The following FANCM variants were observed in gnomAD, a reference collection of about 807,000 sequenced individuals.
The protein encoded by FANCM is Fanconi anemia group M protein.
In FANCM, 140 loss-of-function variants were observed where a neutral mutation model predicts 199.5. The observed-to-expected ratio is 0.70, with a 90% CI of 0.61 to 0.81. The LOEUF is 0.81. Among genes scored for constraint, FANCM ranks in the 30% least tolerant of loss-of-function variants. The pLI is 0.00. For missense variants in FANCM, 2,410 were observed against 2,421.4 expected, an observed-to-expected ratio of 1.00 and a Z score of 0.10; for synonymous variants, 840 against 836.8, an observed-to-expected ratio of 1.00 and a Z score of -0.07.
At chr14:45,164,257 A>G in intron 9 of FANCM, 102 bp from the exon 10 acceptor site, 1 of 972,368 alleles carries the variant, frequency 1.0e-6, no homozygotes, top group Admixed American at 1.9e-5. Flanking sequence ...GCTGATTTTT[A>G]ATCTGATTTT....
In FANCM at chr14:45,164,444, A is replaced by T. The variant is rs148810507; in HGVS notation, c.1667A>T (p.Asp556Val). Residue 556 changes from aspartate to valine, a missense_variant, in exon 10 of 23, where the codon GAT becomes GTT. Physicochemically the swap from Asp to Val is radical, Grantham distance 152 (BLOSUM62 -3). Transcript: ENST00000267430. ...GEEGLDIGEV[D>V]LIICFDSQKS... Reference sequence around the variant, plus strand: ...GAAGGTTTGGATATAGGAGAAGTTGATCTTATAATATGTTTTGATTCCCAG... The same window carrying T: ...GAAGGTTTGGATATAGGAGAAGTTGTTCTTATAATATGTTTTGATTCCCAG... The T allele has an allele frequency of 6.2e-7, 1 of 1,613,380 alleles. No individual in the cohort carries two copies. The highest frequency in any genetic ancestry group is 8.5e-7 in the Non-Finnish European group (1 of 1,179,894).
At chr14:45,167,678 CTGGT>C (rs1888081773) in intron 11 of FANCM, among the ~76,000 whole-genome samples, 2 of 152,096 alleles carry the variant, frequency 1.3e-5, no homozygotes, top group African/African-American at 4.8e-5. Flanking sequence ...TTTGTGTTAG[CTGGT>C]TACCTTTCTC....
chr14:45,177,413 C>T (rs770655468), intron 14 of FANCM, among the ~76,000 whole-genome samples: 8 of 151,670 alleles, frequency 5.3e-5, no homozygotes, highest in African/African-American at 7.3e-5. Flanking sequence ...TTTTTTGAGA[C>T]GGAGTTTTGC....
At position 45,175,696 on chromosome 14, in the gene FANCM, C is replaced by T; in HGVS notation, c.2942C>T (p.Ser981Leu). ...GATGACCAATTTTATAATTGTCACT[C>T]ATTGACAAAAGAGGTACTAGCTAAT... is the stretch of plus-strand genomic sequence containing the variant. Reference protein sequence around the residue: ...RTDDQFYNCHSLTKEVLANVE... With the variant: ...RTDDQFYNCHLLTKEVLANVE... The change falls in exon 14 of 23, where the codon TCA becomes TTA. Residue 981 changes from serine to leucine, a missense_variant. By Grantham distance (145) the Ser-to-Leu change is moderately radical. Transcript: ENST00000267430. The T allele has an allele frequency of 1.2e-6, 2 of 1,613,328 alleles. No homozygotes were observed. The highest frequency in any genetic ancestry group is 1.7e-6 in the Non-Finnish European group (2 of 1,179,468).
chr14:45,175,934 A>G lies in FANCM; in HGVS notation c.3180A>G (p.Pro1060=), dbSNP rs777294529. 6 of 1,613,196 alleles carry G rather than the reference A, an allele frequency of 3.7e-6. No individual in the cohort carries two copies. The highest frequency in any genetic ancestry group is 1.1e-5 in the South Asian group (1 of 91,022). Residue 1060 remains proline (P), a synonymous_variant, in exon 14 of 23, where the codon CCA becomes CCG. Transcript: ENST00000267430. The stretch of plus-strand genomic sequence containing the variant: ...ATTCACTTAAATGTATAAATTATCC[A>G]TCTGAAAAAAGTTGCCTTTATGATA... ...ELNSLKCINY[P]SEKSCLYDIP...
In FANCM at chr14:45,200,050, A is replaced by G. The variant is rs1315606601; in HGVS notation, c.*42A>G. ...GGGGTTTTCAAAGACCTCTCACAATATTAAATGCACTTCAATAATCATTGC... is the reference window on the plus strand; with the variant it reads ...GGGGTTTTCAAAGACCTCTCACAATGTTAAATGCACTTCAATAATCATTGC... On this transcript the variant is annotated 3_prime_UTR_variant, in exon 23 of 23. Coordinates refer to ENST00000267430, the MANE Select transcript of FANCM (RefSeq NM_020937.4). The G allele has an allele frequency of 1.4e-6, 2 of 1,431,784 alleles. No homozygotes were observed. The highest frequency in any genetic ancestry group is 1.2e-5 in the South Asian group (1 of 84,890). The allele number at this position is 1,431,784 out of a possible 1,614,324, so 88.7% of individuals were successfully genotyped here. A position where few individuals can be genotyped will look rare whatever the true frequency, so the allele number is the denominator to read the frequency against.
chr14:45,173,918 T>TTAAAA (rs1888498463), intron 13 of FANCM, among the ~76,000 whole-genome samples: 1 of 152,164 alleles, frequency 6.6e-6, no homozygotes, highest in Non-Finnish European at 1.5e-5. Context: ...CCCAGCAAAA[T>TTAAAA]GTGTGCAATC....
chr14:45,189,716 C>G (rs916238262), intron 20 of FANCM, among the ~76,000 whole-genome samples: 1 of 152,088 alleles, frequency 6.6e-6, no homozygotes, highest in Non-Finnish European at 1.5e-5. Flanking sequence ...TGCCTGTAAT[C>G]CCAGCACTCT....
At chr14:45,148,737 GCTT>G (rs1886606764) in intron 3 of FANCM, 97 bp from the exon 4 acceptor site, 1 of 740,012 alleles carries the variant, frequency 1.4e-6, no homozygotes, top group Non-Finnish European at 2.3e-6. Context: ...AATTTCTGGT[GCTT>G]CTTTCAAAAT....
intron 20 of FANCM, among the ~76,000 whole-genome samples, chr14:45,191,806 G>A (rs553339797): frequency 7.2e-5 from 11 of 152,186 alleles, no homozygotes; most frequent in African/African-American, 2.6e-4. Context: ...ACTAATATTT[G>A]CATTGTCATG....
At position 45,136,507 on chromosome 14, in the gene FANCM, G is replaced by A. The variant is rs1885521720; in HGVS notation, c.476G>A (p.Gly159Asp). Residue 159 changes from glycine to aspartate, a missense_variant, in exon 1 of 23, where the codon GGT (glycine) becomes GAT (aspartate). Coordinates refer to ENST00000267430, the MANE Select transcript of FANCM (RefSeq NM_020937.4). ...QQIEACYQVMGIPQSHMAEMT... is the reference protein window; with the variant it reads ...QQIEACYQVMDIPQSHMAEMT... The stretch of plus-strand genomic sequence containing the variant: ...ATCGAGGCTTGCTACCAGGTGATGG[G>A]TATCCCGCAATCCCACATGGCCGAA... The A allele has an allele frequency of 6.2e-7, 1 of 1,614,014 alleles. No individual in the cohort carries two copies. Among genetic ancestry groups the A allele is most frequent in the Admixed American group, 1.7e-5 (1 of 60,014 alleles).
At chr14:45,173,447 A>G (rs936055183) in intron 13 of FANCM, among the ~76,000 whole-genome samples, 3 of 152,126 alleles carry the variant, frequency 2.0e-5, no homozygotes, top group African/African-American at 7.3e-5. Context: ...TACTTAAATG[A>G]TTTATGTAAA....
chr14:45,153,777 A>T (rs1886985314), intron 5 of FANCM, 143 bp from the exon 6 acceptor site: 3 of 744,664 alleles, frequency 4.0e-6, no homozygotes, highest in Non-Finnish European at 7.3e-6. Context: ...CCAATCGGTT[A>T]TAGCAGTGTA....
At chr14:45,174,109 C>G (rs1888511247) in intron 13 of FANCM, among the ~76,000 whole-genome samples, 1 of 152,092 alleles carries the variant, frequency 6.6e-6, no homozygotes, top group African/African-American at 2.4e-5. Context: ...AGCAGAGGGC[C>G]AGGTGCGGTG....
chr14:45,176,569 C>G lies in FANCM; in HGVS notation c.3815C>G (p.Ala1272Gly), dbSNP rs2139251421. The G allele has an allele frequency of 6.2e-7, 1 of 1,603,754 alleles. No individual in the cohort carries two copies. Among genetic ancestry groups the G allele is most frequent in the South Asian group, 1.1e-5 (1 of 89,640 alleles). ...RYLEIKEISD[A>G]NYVSNQALIP... The stretch of plus-strand genomic sequence containing the variant: ...TTGGAAATTAAGGAGATAAGTGATG[C>G]AAATTATGTTTCGAATCAAGCACTA... Residue 1272 changes from alanine (A) to glycine (G), a missense_variant, in exon 14 of 23, where the codon GCA becomes GGA. Ala to Gly is a moderately conservative substitution (Grantham distance 60). Coordinates refer to ENST00000267430, the MANE Select transcript of FANCM (RefSeq NM_020937.4).
At chr14:45,196,601 A>T (rs1360143645) in intron 21 of FANCM, 54 bp downstream of exon 21, 1 of 1,530,694 alleles carries the variant, frequency 6.5e-7, no homozygotes, top group East Asian at 2.2e-5. Context: ...CTTTACGGTT[A>T]ACTTAGTTTA....
chr14:45,142,375 C>T (rs1201014083), intron 3 of FANCM, among the ~76,000 whole-genome samples: 1 of 150,102 alleles, frequency 6.7e-6, no homozygotes. Flanking sequence ...GGCATGATCT[C>T]GGCTCACTGC....
Position 45,176,426 on chromosome 14 carries a change from T to A in FANCM, c.3672T>A (p.Ser1224=). 1 of 1,613,070 alleles carries A rather than the reference T, an allele frequency of 6.2e-7. No individual in the cohort carries two copies. The highest frequency in any genetic ancestry group is 8.5e-7 in the Non-Finnish European group (1 of 1,179,864). ...VKNHEDIFDC[S]RDLFSVTFDL... ...ATCATGAGGATATTTTTGATTGCTC[T>A]AGGGATTTATTTTCTGTTACCTTTG... The change falls in exon 14 of 23, where the codon TCT becomes TCA. Residue 1224 remains serine, a synonymous_variant. Transcript: ENST00000267430.
At position 45,198,680 on chromosome 14, in the gene FANCM, A is replaced by C. The variant is rs746039296; in HGVS notation, c.5753A>C (p.Tyr1918Ser). 6.2e-7 allele frequency: 1 copy of C among 1,613,644 alleles called. No homozygotes were observed. Among genetic ancestry groups the C allele is most frequent in the East Asian group, 2.2e-5 (1 of 44,850 alleles). Residue 1918 changes from tyrosine (Y) to serine (S), a missense_variant, in exon 22 of 23, where the codon TAT becomes TCT. Coordinates refer to ENST00000267430, the MANE Select transcript of FANCM (RefSeq NM_020937.4). ...AGGATGTTTAGGAGAACAAAGAGCT[A>C]TGACAGCCTGCTGACTACCTTAATT... ...TSRMFRRTKS[Y>S]DSLLTTLIGA...
Sources: allele counts gnomAD v4.1 joint callset (sites outside exome capture counted in the v4.1 genomes callset), GRCh38; gene constraint gnomAD v4.1.1; transcripts MANE v1.5; gene names NCBI Gene and HGNC (gene_info 2026-07-23, HGNC 2026-07-21).